The following IL2 variants were observed in gnomAD, a reference collection of about 807,000 sequenced individuals.
The protein encoded by IL2 is interleukin 2, also known as interleukin-2.
A neutral mutation model predicts 14.6 loss-of-function variants in IL2; 3 were observed. That is an observed-to-expected ratio of 0.21 (90% CI 0.09 to 0.53). The LOEUF is 0.53. IL2 is among the 20% of genes least tolerant of loss of function. IL2 has a pLI of 0.95. For missense variants in IL2, 125 were observed against 170.8 expected, an observed-to-expected ratio of 0.73 and a Z score of 1.50; for synonymous variants, 71 against 60.0, an observed-to-expected ratio of 1.18 and a Z score of -0.85.
rs1355793456 is a variant in IL2, at chr4:122,456,309, A to G, written c.132T>C (p.Ile44=). The G allele has an allele frequency of 6.2e-7, 1 of 1,610,330 alleles. No individual in the cohort carries two copies. ...LEHLLLDLQM[I]LNGINNYKNP... is the part of the protein sequence containing the mutation. ...ATATACTTACATTAATTCCATTCAA[A>G]ATCATCTGTAAATCCAGCAGTAAAT... is the stretch of plus-strand genomic sequence containing the variant. The change falls in exon 1 of 4, where the codon ATT becomes ATC. Residue 44 remains isoleucine, a synonymous_variant. Transcript: ENST00000226730.
intron 2 of IL2, among the ~76,000 whole-genome samples, chr4:122,454,850 CCCCTAAATTATG>C (rs1440970676): frequency 7.9e-5 from 12 of 151,802 alleles, no homozygotes; most frequent in African/African-American, 2.9e-4. Flanking sequence ...ATTCTACCAC[CCCCTAAATTATG>C]CACATAATCT....
intron 2 of IL2, 47 bp downstream of exon 2, chr4:122,456,097 T>G: frequency 1.4e-6 from 2 of 1,382,702 alleles, no homozygotes; most frequent in Non-Finnish European, 2.1e-6. Context: ...TTCATATTAC[T>G]TTGAATTTTA....
At position 122,456,627 on chromosome 4, in the gene IL2, T is replaced by G. The variant is rs931180059; in HGVS notation, c.-187A>C. ...AAAACATTACCTTCATTTTTCCTCT[T>G]CTGATGACTCTTTGGAATTTCTTTA... On this transcript the variant is annotated 5_prime_UTR_variant, in exon 1 of 4. Coordinates refer to ENST00000226730, the MANE Select transcript of IL2 (RefSeq NM_000586.4). 2 of 494,250 alleles carry G rather than the reference T, an allele frequency of 4.0e-6. No individual in the cohort carries two copies. The highest frequency in any genetic ancestry group is 6.2e-5 in the East Asian group (2 of 32,470). The allele number at this position is 494,250 out of a possible 1,614,324, so 30.6% of individuals were successfully genotyped here.
chr4:122,455,626 C>G (rs1384162364), intron 2 of IL2, among the ~76,000 whole-genome samples: 1 of 151,784 alleles, frequency 6.6e-6, no homozygotes, highest in Non-Finnish European at 1.5e-5. Flanking sequence ...GAAACTGAAT[C>G]ACAAACAGAG....
At chr4:122,453,441 C>T (rs1797696561) in intron 3 of IL2, among the ~76,000 whole-genome samples, 1 of 151,748 alleles carries the variant, frequency 6.6e-6, no homozygotes, top group Admixed American at 6.6e-5. Context: ...TCTCTCACTC[C>T]CAGTTTTGTG....
intron 3 of IL2, among the ~76,000 whole-genome samples, chr4:122,453,342 A>G (rs1797694512): frequency 6.6e-6 from 1 of 151,832 alleles, no homozygotes; most frequent in Non-Finnish European, 1.5e-5. Flanking sequence ...TCAGGTAATC[A>G]GTATTGGCTA....
At position 122,453,825 on chromosome 4, in the gene IL2, A is replaced by G; in HGVS notation, c.236T>C (p.Leu79Pro). 6.2e-7 allele frequency: 1 copy of G among 1,611,026 alleles called. No homozygotes were observed. The highest frequency in any genetic ancestry group is 8.5e-7 in the Non-Finnish European group (1 of 1,178,146). ...KATELKHLQC[L>P]EEELKPLEEV... The stretch of plus-strand genomic sequence containing the variant: ...CTCCAGAGGTTTGAGTTCTTCTTCT[A>G]GACACTGAAGATGTTTCAGTTCTGT... The change falls in exon 3 of 4, where the codon CTA (leucine) becomes CCA (proline). Residue 79 changes from leucine (L) to proline (P), a missense_variant. Physicochemically the swap from Leu to Pro is moderately conservative, Grantham distance 98 (BLOSUM62 -3). Transcript: ENST00000226730.
In IL2 at chr4:122,453,755, G is replaced by A; in HGVS notation, c.306C>T (p.Pro102=). The A allele has an allele frequency of 1.2e-6, 2 of 1,611,178 alleles. No individual in the cohort carries two copies. Among genetic ancestry groups the A allele is most frequent in the Non-Finnish European group, 1.7e-6 (2 of 1,178,218 alleles). Residue 102 remains proline (P), a synonymous_variant, in exon 3 of 4, where the codon CCC becomes CCT. Transcript: ENST00000226730. ...CGTTGATATTGCTGATTAAGTCCCT[G>A]GGTCTTAAGTGAAAGTTTTTGCTTT... ...LAQSKNFHLR[P]RDLISNINVI...
intron 3 of IL2, among the ~76,000 whole-genome samples, chr4:122,452,855 A>G (rs1251733168): frequency 6.6e-6 from 1 of 151,964 alleles, no homozygotes; most frequent in East Asian, 1.9e-4. Context: ...AAGAGTTAAG[A>G]ATGAGTTTTC....
At chr4:122,456,011 C>A in intron 2 of IL2, 133 bp downstream of exon 2, 126 of 509,584 alleles carry the variant, frequency 2.5e-4, no homozygotes, top group Middle Eastern at 6.0e-4. Flanking sequence ...CATTATCAAA[C>A]TTGGGTTTTC....
At chr4:122,452,190 CTT>C (rs1663022066) in intron 3 of IL2, among the ~76,000 whole-genome samples, 1 of 152,036 alleles carries the variant, frequency 6.6e-6, no homozygotes. Context: ...GTGAAATAAA[CTT>C]GATCGCTTTT....
intron 3 of IL2, 152 bp downstream of exon 3, chr4:122,453,558 G>T: frequency 1.6e-6 from 1 of 609,520 alleles, no homozygotes; most frequent in Non-Finnish European, 2.8e-6. Context: ...CATTAGAAAT[G>T]ATTCATGTTC....
intron 2 of IL2, 143 bp downstream of exon 2, chr4:122,456,001 C>A: frequency 1.4e-5 from 8 of 563,550 alleles, no homozygotes; most frequent in Non-Finnish European, 1.6e-5. Context: ...ATAGAGGCTT[C>A]ATTATCAAAC....
intron 3 of IL2, 50 bp downstream of exon 3, chr4:122,453,660 C>T (rs1053083668): frequency 1.4e-6 from 2 of 1,441,826 alleles, no homozygotes; most frequent in Non-Finnish European, 1.9e-6. Flanking sequence ...TACTTTTCCC[C>T]CTACTTTTTT....
At chr4:122,452,761 T>G (rs1031051188) in intron 3 of IL2, among the ~76,000 whole-genome samples, 1 of 152,016 alleles carries the variant, frequency 6.6e-6, no homozygotes, top group African/African-American at 2.4e-5. Flanking sequence ...TTGTCATATC[T>G]TGGGATTTTT....
intron 2 of IL2, 141 bp downstream of exon 2, chr4:122,456,003 T>C (rs932834877): frequency 1.9e-5 from 11 of 573,452 alleles, no homozygotes; most frequent in Non-Finnish European, 2.5e-5. Context: ...AGAGGCTTCA[T>C]TATCAAACTT....
intron 3 of IL2, among the ~76,000 whole-genome samples, chr4:122,452,236 A>G (rs1443244449): frequency 2.6e-5 from 4 of 152,094 alleles, no homozygotes; most frequent in Admixed American, 6.6e-5. Flanking sequence ...GTGTAAGTTA[A>G]ATGTATGAAT....
intron 2 of IL2, 114 bp downstream of exon 2, chr4:122,456,030 A>G (rs1417022542): frequency 4.1e-6 from 3 of 724,048 alleles, no homozygotes; most frequent in Non-Finnish European, 6.9e-6. Flanking sequence ...TCAAAAAAAC[A>G]AATTAAAGTT....
chr4:122,456,268 T>C (rs1182213506), intron 1 of IL2, 26 bp downstream of exon 1: 5 of 1,599,128 alleles, frequency 3.1e-6, no homozygotes, highest in Non-Finnish European at 4.3e-6. Flanking sequence ...ATGTAATAAT[T>C]TTAGTAAGAA....
Sources: gnomAD v4.1 joint callset for allele counts (sites outside exome capture counted in the v4.1 genomes callset) on GRCh38, gnomAD v4.1.1 for gene constraint, MANE v1.5 for transcripts, NCBI Gene and HGNC (gene_info 2026-07-23, HGNC 2026-07-21) for gene names.